TVP23C: variants seen among roughly 807,000 people sequenced by gnomAD.
The protein encoded by TVP23C is Golgi apparatus membrane protein TVP23 homolog C.
Under a neutral mutation model 28.7 loss-of-function variants are expected in TVP23C, and 19 were observed. That is an observed-to-expected ratio of 0.66 (90% CI 0.46 to 0.97). The LOEUF is 0.97. TVP23C is among the 50% of genes least tolerant of loss of function. TVP23C has a pLI of 0.00. For missense variants in TVP23C, 186 were observed against 241.3 expected, an observed-to-expected ratio of 0.77 and a Z score of 1.52; for synonymous variants, 68 against 81.7, an observed-to-expected ratio of 0.83 and a Z score of 0.90.
chr17:15,515,440 A>T (rs547240702), intron 5 of TVP23C, among the ~76,000 whole-genome samples: 23 of 152,196 alleles, frequency 1.5e-4, no homozygotes, highest in Non-Finnish European at 2.9e-4. Context: ...TGGGGAATTA[A>T]CCCCTCAGAG....
intron 5 of TVP23C, among the ~76,000 whole-genome samples, chr17:15,525,802 T>C (rs1161153021): frequency 6.6e-6 from 1 of 152,220 alleles, no homozygotes; most frequent in African/African-American, 2.4e-5. Context: ...CTTAGCACTG[T>C]AAGCCTAAGG....
rs557538548 is a variant in TVP23C at position 15,518,039 on chromosome 17, G to A, written c.463-14807C>T. Among the ~76,000 whole-genome samples, 181 of 151,988 alleles carry A rather than the reference G, an allele frequency of 1.2e-3. 1 individual carries two copies. Among genetic ancestry groups the A allele is most frequent in the African/African-American group, 4.0e-3 (167 of 41,460 alleles). ...AACAATTAGCTGGGCGTGGTGGCAC[G>A]CGCCTGTAGTCCCAGCTACTTGGGA... On this transcript the variant is annotated intron_variant, in intron 5 of 5. Coordinates refer to the TVP23C transcript ENST00000225576.
At chr17:15,521,911 C>T (rs1299874011) in intron 5 of TVP23C, among the ~76,000 whole-genome samples, 3 of 152,206 alleles carry the variant, frequency 2.0e-5, no homozygotes, top group African/African-American at 7.2e-5. Flanking sequence ...CCGGGGCATG[C>T]ACTTCTCATG....
chr17:15,557,290 GTTT>G (rs761887271), intron 1 of TVP23C, among the ~76,000 whole-genome samples: 1 of 123,904 alleles, frequency 8.1e-6, no homozygotes, highest in Admixed American at 8.9e-5. Context: ...AGAAGACAAG[GTTT>G]TTTTTTTTTT....
At chr17:15,521,210 A>G (rs1463642611) in intron 5 of TVP23C, among the ~76,000 whole-genome samples, 1 of 152,094 alleles carries the variant, frequency 6.6e-6, no homozygotes, top group Non-Finnish European at 1.5e-5. Context: ...TGATTATAAA[A>G]TTATTATAAT....
intron 5 of TVP23C, among the ~76,000 whole-genome samples, chr17:15,508,719 G>A (rs1239436328): frequency 1.3e-5 from 2 of 152,222 alleles, no homozygotes; most frequent in African/African-American, 4.8e-5. Flanking sequence ...ACGAGCATGG[G>A]CCAAGGTATG....
At position 15,556,285 on chromosome 17, in the gene TVP23C, A is replaced by AT. The variant is rs534410981; in HGVS notation, c.13-922dup. Among the ~76,000 whole-genome samples, 146 of 151,246 alleles carry AT rather than the reference A, an allele frequency of 9.7e-4. 1 individual carries two copies. Among genetic ancestry groups the AT allele is most frequent in the Middle Eastern group, 3.4e-3 (1 of 290 alleles). On this transcript the variant is annotated intron_variant, in intron 1 of 5. Transcript: ENST00000518321. ...AAGGCCACTTATTAGGCAAAAAAAG[A>AT]TTTTTTTAAGAACCCTGATCCTGAA...
rs1567639246 is a variant in TVP23C at position 15,539,245 on chromosome 17, TC to T, written c.*1166del. 1.0e-6 allele frequency: 1 copy of T among 984,928 alleles called. No homozygotes were observed. The highest frequency in any genetic ancestry group is 6.1e-5 in the Admixed American group (1 of 16,262). The allele number at this position is 984,928 out of a possible 1,614,324, so 61.0% of individuals were successfully genotyped here. ...TCTCATGTATGTTCGAGTTTAAGAATCCCTGTCCTACATAATATCACTTGCC... is the reference window on the plus strand; with the variant it reads ...TCTCATGTATGTTCGAGTTTAAGAATCCTGTCCTACATAATATCACTTGCC... On this transcript the variant is annotated 3_prime_UTR_variant, in exon 6 of 6. Coordinates refer to ENST00000518321, the MANE Select transcript of TVP23C (RefSeq NM_001135036.2).
At chr17:15,554,223 AGTTT>A (rs1388727406) in intron 2 of TVP23C, among the ~76,000 whole-genome samples, 6 of 149,432 alleles carry the variant, frequency 4.0e-5, no homozygotes, top group African/African-American at 1.2e-4. Flanking sequence ...GTTATCAGGT[AGTTT>A]GTTTGTTTCT....
intron 5 of TVP23C, among the ~76,000 whole-genome samples, chr17:15,523,807 G>A (rs1982592009): frequency 6.6e-6 from 1 of 151,850 alleles, no homozygotes; most frequent in East Asian, 1.9e-4. Context: ...TAGAGACGGG[G>A]ATTCACCGTG....
At chr17:15,540,904 G>A (rs1421225163) in intron 5 of TVP23C, among the ~76,000 whole-genome samples, 1 of 152,230 alleles carries the variant, frequency 6.6e-6, no homozygotes, top group Non-Finnish European at 1.5e-5. Context: ...AAGTAAATGA[G>A]ACTCAGGAAA....
intron 5 of TVP23C, among the ~76,000 whole-genome samples, chr17:15,509,302 C>T (rs538687584): frequency 3.2e-4 from 48 of 152,326 alleles, no homozygotes; most frequent in Non-Finnish European, 5.7e-4. Context: ...CCACATAAAC[C>T]CCTTAGTTGC....
chr17:15,529,113 C>A (rs1021151905), intron 5 of TVP23C, among the ~76,000 whole-genome samples: 2 of 152,110 alleles, frequency 1.3e-5, no homozygotes, highest in Admixed American at 1.3e-4. Context: ...ACTATGCTTA[C>A]TCTTTTATGT....
At chr17:15,524,709 G>A (rs1982646896) in intron 5 of TVP23C, among the ~76,000 whole-genome samples, 1 of 125,924 alleles carries the variant, frequency 7.9e-6, no homozygotes, top group African/African-American at 3.5e-5. Context: ...GGTCCCAGAG[G>A]GATGCACACA....
In TVP23C at chr17:15,507,337, A is replaced by T; in HGVS notation, c.463-4105T>A. On this transcript the variant is annotated intron_variant, in intron 5 of 5. Coordinates refer to the TVP23C transcript ENST00000225576. The stretch of plus-strand genomic sequence containing the variant: ...ACCAGCAAGAAGATCACCATTGCTG[A>T]CTGGACAACTCTAATAAGTTTCACT... The T allele has an allele frequency of 8.0e-6, 6 of 753,330 alleles. No individual in the cohort carries two copies. In the South Asian group the frequency reaches 8.1e-5, roughly 10 times the overall value. The allele number at this position is 753,330 out of a possible 1,614,324, so 46.7% of individuals were successfully genotyped here.
intron 2 of TVP23C, among the ~76,000 whole-genome samples, chr17:15,554,497 A>G (rs1984042843): frequency 6.6e-6 from 1 of 152,162 alleles, no homozygotes; most frequent in South Asian, 2.1e-4. Flanking sequence ...TCGGCCTCCC[A>G]AAGTGCTGGG....
Position 15,540,483 on chromosome 17 carries a change from G to A in TVP23C, c.541C>T (p.His181Tyr), listed in dbSNP as rs1983364564. The change falls in exon 6 of 6, where the codon CAT becomes TAT. Residue 181 changes from histidine to tyrosine, a missense_variant. Around this residue, in one of 3 missense-constraint regions of TVP23C, gnomAD observed 74 missense variants for 96.0 expected, o/e 0.77. Transcript: ENST00000518321. The part of the protein sequence containing the change: ...YIRCKVRSRK[H>Y]LTSMATSYFG... ...TATGAAGTAGCCATGCTGGTTAAAT[G>A]CTTTCTGCTGCGCACCTTACACCTG... 6.2e-7 allele frequency: 1 copy of A among 1,609,298 alleles called. No homozygotes were observed. The highest frequency in any genetic ancestry group is 1.7e-4 in the Middle Eastern group (1 of 6,046).
intron 5 of TVP23C, among the ~76,000 whole-genome samples, chr17:15,528,706 T>C (rs1417698374): frequency 6.6e-6 from 1 of 151,798 alleles, no homozygotes; most frequent in African/African-American, 2.4e-5. Flanking sequence ...CCCGAGTTCA[T>C]CCTGCCTCAG....
At chr17:15,543,761 G>A (rs113450913) in intron 5 of TVP23C, among the ~76,000 whole-genome samples, 3,251 of 144,640 alleles carry the variant, frequency 0.022, 75 homozygotes, top group Middle Eastern at 0.032. Context: ...CCCCTAACTT[G>A]TCCCCCTGTG....
Sources: allele counts gnomAD v4.1 joint callset (sites outside exome capture counted in the v4.1 genomes callset), GRCh38; gene constraint gnomAD v4.1.1; regional missense constraint gnomAD v4.1.1; transcripts MANE v1.5; gene names NCBI Gene and HGNC (gene_info 2026-07-23, HGNC 2026-07-21).